TCF25: variants seen among roughly 807,000 people sequenced by gnomAD.
TCF25 encodes the protein TCF25 ribosome quality control complex subunit, also known as ribosome quality control complex subunit TCF25.
Under a neutral mutation model 83.1 loss-of-function variants are expected in TCF25, and 41 were observed. That is an observed-to-expected ratio of 0.49 (90% CI 0.38 to 0.64). TCF25 has a LOEUF of 0.64. TCF25 is among the 30% of genes least tolerant of loss of function. The pLI is 0.00. For missense variants in TCF25, 979 were observed against 914.5 expected (o/e 1.07, Z -0.91); for synonymous variants, 458 against 365.0 (o/e 1.25, Z -2.90).
chr16:89,906,691 G>T (rs761167698), intron 15 of TCF25, among the ~76,000 whole-genome samples: 4 of 152,164 alleles, frequency 2.6e-5, no homozygotes, highest in African/African-American at 7.2e-5. Flanking sequence ...AAGATAGAAC[G>T]AGTGAGAAAA....
In TCF25 at chr16:89,883,389, C is replaced by T. The variant is rs775500061; in HGVS notation, c.231C>T (p.Asn77=). ...ATCTTGAGGATGACCCTGTGGTGAA[C>T]GGGGAGAGGTCTGGCTGTGCGCTCA... ...IDDLEDDPVV[N]GERSGCALTD... Residue 77 remains asparagine, a synonymous_variant, in exon 2 of 18, where the codon AAC becomes AAT. Transcript: ENST00000263346. 92 of 1,613,852 alleles carry T rather than the reference C, an allele frequency of 5.7e-5. No individual in the cohort carries two copies. Among genetic ancestry groups the T allele is most frequent in the East Asian group, 2.7e-4 (12 of 44,860 alleles).
chr16:89,900,299 T>TCGGAAA (rs1597357197), intron 11 of TCF25, among the ~76,000 whole-genome samples: 2 of 152,136 alleles, frequency 1.3e-5, no homozygotes, highest in Non-Finnish European at 2.9e-5. Context: ...GGTGGGCTGC[T>TCGGAAA]CTCGTCTGTA....
At chr16:89,876,313 G>T (rs1442564386) in intron 1 of TCF25, among the ~76,000 whole-genome samples, 2 of 152,140 alleles carry the variant, frequency 1.3e-5, no homozygotes, top group African/African-American at 4.8e-5. Flanking sequence ...ATGTTTATTG[G>T]CATTCTGTTA....
intron 5 of TCF25, 119 bp downstream of exon 5, chr16:89,887,836 C>A: frequency 2.3e-6 from 2 of 872,834 alleles, no homozygotes; most frequent in Non-Finnish European, 3.4e-6. Flanking sequence ...AGCCAGAGTG[C>A]ACACGTAACC....
chr16:89,889,012 C>A (rs1001213955), intron 5 of TCF25, among the ~76,000 whole-genome samples: 10 of 151,654 alleles, frequency 6.6e-5, no homozygotes, highest in African/African-American at 2.4e-4. Flanking sequence ...TGTGTCCATT[C>A]AGTAGTTCTT....
intron 15 of TCF25, 139 bp downstream of exon 15, chr16:89,906,423 C>A (rs996816464): frequency 2.6e-6 from 2 of 766,412 alleles, no homozygotes; most frequent in East Asian, 5.4e-5. Flanking sequence ...GGGGCAGGGT[C>A]TAGTGCAGAG....
chr16:89,904,726 C>T, intron 13 of TCF25: 1 of 700,922 alleles, frequency 1.4e-6, no homozygotes, highest in African/African-American at 1.7e-5. Flanking sequence ...AGTCCTGCTT[C>T]CTAAAGAACA....
intron 4 of TCF25, among the ~76,000 whole-genome samples, chr16:89,886,411 C>CT (rs2043021266): frequency 7.3e-6 from 1 of 137,926 alleles, no homozygotes; most frequent in Admixed American, 7.2e-5. Flanking sequence ...CTGGGCAACA[C>CT]TGCGAGACTG....
At chr16:89,904,303 C>T in intron 13 of TCF25, 98 bp downstream of exon 13, 1 of 1,350,106 alleles carries the variant, frequency 7.4e-7, no homozygotes, top group African/African-American at 1.5e-5. Context: ...GGACCTGCTT[C>T]CAGCAGCAGG....
chr16:89,887,790 C>T (rs2043129555), intron 5 of TCF25, 73 bp downstream of exon 5: 1 of 1,402,714 alleles, frequency 7.1e-7, no homozygotes, highest in Admixed American at 2.6e-5. Flanking sequence ...GGGTGGTGTT[C>T]CTGAAGCTAG....
chr16:89,900,934 C>G (rs1460486483), intron 12 of TCF25, 140 bp downstream of exon 12: 4 of 988,580 alleles, frequency 4.0e-6, no homozygotes, highest in East Asian at 5.4e-5. Context: ...GCCTGCAAAC[C>G]TGCCCTACCA....
chr16:89,894,972 A>G lies in TCF25; in HGVS notation c.829-66A>G. On this transcript the variant is annotated intron_variant, in intron 7 of 17. Transcript: ENST00000263346. Reference sequence around the variant, plus strand: ...CGCTGGTTTTAAATGTCTGAAAAAAAGGCATGCCTGGGAGCTGGGGCCTTG... The same window carrying G: ...CGCTGGTTTTAAATGTCTGAAAAAAGGGCATGCCTGGGAGCTGGGGCCTTG... 7.6e-6 allele frequency: 11 copies of G among 1,443,142 alleles called. No individual in the cohort carries two copies. The South Asian group carries it at 1.3e-4, about 17-fold the overall frequency. The allele number at this position is 1,443,142 out of a possible 1,614,324, so 89.4% of individuals were successfully genotyped here.
chr16:89,907,036 C>T (rs530298203), intron 15 of TCF25, among the ~76,000 whole-genome samples: 4 of 152,170 alleles, frequency 2.6e-5, no homozygotes, highest in East Asian at 1.9e-4. Context: ...TCTCGACTCC[C>T]GTGAGTGTCC....
chr16:89,885,868 C>A lies in TCF25; in HGVS notation c.450C>A (p.Ile150=), dbSNP rs764174576. The stretch of plus-strand genomic sequence containing the variant: ...TTTAGGAAAACGGACTAGAAGATAT[C>A]GATCGCATCCTAGAGAGGATTGAGG... The part of the protein sequence containing the change: ...GEASENGLED[I]DRILERIEDS... The change falls in exon 4 of 18, where the codon ATC becomes ATA. Residue 150 remains isoleucine, a synonymous_variant. Coordinates refer to ENST00000263346, the MANE Select transcript of TCF25 (RefSeq NM_014972.3). The A allele has an allele frequency of 3.7e-6, 6 of 1,612,830 alleles. No homozygotes were observed. The East Asian group carries it at 1.3e-4, about 36-fold the overall frequency.
intron 11 of TCF25, among the ~76,000 whole-genome samples, chr16:89,900,401 G>A (rs1185888376): frequency 6.6e-6 from 1 of 151,630 alleles, no homozygotes; most frequent in Non-Finnish European, 1.5e-5. Context: ...TCCTCGCTCC[G>A]GCTCAGTCTA....
chr16:89,879,927 A>T (rs61539229), intron 1 of TCF25, among the ~76,000 whole-genome samples: 5 of 141,994 alleles, frequency 3.5e-5, no homozygotes, highest in Admixed American at 2.9e-4. Context: ...GTACACAGAC[A>T]GGCTCCTGGG....
intron 11 of TCF25, 95 bp from the exon 12 acceptor site, chr16:89,900,540 G>C (rs2044237097): frequency 7.1e-7 from 1 of 1,414,062 alleles, no homozygotes; most frequent in Non-Finnish European, 9.6e-7. Flanking sequence ...ACCTGCTCGG[G>C]GTAGGGCTCA....
At chr16:89,888,198 A>G (rs2090312568) in intron 5 of TCF25, among the ~76,000 whole-genome samples, 1 of 152,128 alleles carries the variant, frequency 6.6e-6, no homozygotes. Flanking sequence ...CCCAGGAGGC[A>G]GAGGTTGCAA....
At chr16:89,881,612 C>A (rs1010639465) in intron 1 of TCF25, among the ~76,000 whole-genome samples, 4 of 151,914 alleles carry the variant, frequency 2.6e-5, no homozygotes, top group Non-Finnish European at 4.4e-5. Flanking sequence ...GCCACCACAC[C>A]CTGCTAATTT....
Sources: allele counts gnomAD v4.1 joint callset (sites outside exome capture counted in the v4.1 genomes callset), GRCh38; gene constraint gnomAD v4.1.1; transcripts MANE v1.5; gene names NCBI Gene and HGNC (gene_info 2026-07-23, HGNC 2026-07-21).